The following GRM7 variants were observed in gnomAD, a reference collection of about 807,000 sequenced individuals.
The protein encoded by GRM7 is metabotropic glutamate receptor 7.
Under a neutral mutation model 84.5 loss-of-function variants are expected in GRM7, and 35 were observed. That is an observed-to-expected ratio of 0.41 (90% confidence interval 0.32 to 0.55). The LOEUF is 0.55. GRM7 is among the 20% of genes least tolerant of loss of function. The pLI, the probability that GRM7 is intolerant of heterozygous loss-of-function variation, is 0.19. For synonymous variants in GRM7, 487 were observed against 455.1 expected, an observed-to-expected ratio of 1.07 and a Z score of -0.89; for missense variants, 1,003 against 1,194.6, an observed-to-expected ratio of 0.84 and a Z score of 2.36.
chr3:6,988,634 T>C (rs933556272), intron 1 of GRM7, among the ~76,000 whole-genome samples: 1 of 152,354 alleles, frequency 6.6e-6, no homozygotes, highest in Non-Finnish European at 1.5e-5. Flanking sequence ...AATTGTGTGA[T>C]ATTTCACATC....
chr3:7,208,593 C>G (rs1696317010), intron 2 of GRM7, among the ~76,000 whole-genome samples: 1 of 152,050 alleles, frequency 6.6e-6, no homozygotes, highest in South Asian at 2.1e-4. Context: ...CTATATATAC[C>G]CAGCACCAAG....
chr3:7,300,927 A>T (rs1480841455), intron 3 of GRM7, among the ~76,000 whole-genome samples: 1 of 152,226 alleles, frequency 6.6e-6, no homozygotes, highest in African/African-American at 2.4e-5. Flanking sequence ...GGCTCAGGAC[A>T]TAGTAGCTCA....
intron 8 of GRM7, among the ~76,000 whole-genome samples, chr3:7,671,462 A>T (rs1449095397): frequency 6.6e-6 from 1 of 152,024 alleles, no homozygotes; most frequent in Non-Finnish European, 1.5e-5. Flanking sequence ...CCAGAAACTG[A>T]TTTGCATTCA....
intron 7 of GRM7, among the ~76,000 whole-genome samples, chr3:7,543,064 G>A (rs1055115729): frequency 9.9e-5 from 15 of 152,090 alleles, no homozygotes; most frequent in African/African-American, 2.2e-4. Flanking sequence ...TTGAATGGAC[G>A]AATGAATGAA....
intron 7 of GRM7, among the ~76,000 whole-genome samples, chr3:7,545,355 T>C (rs1012063906): frequency 3.3e-5 from 5 of 152,226 alleles, no homozygotes; most frequent in African/African-American, 9.6e-5. Context: ...AGAATTAAAA[T>C]GTAGGGTTTA....
intron 1 of GRM7, among the ~76,000 whole-genome samples, chr3:6,914,917 C>G (rs187423288): frequency 6.6e-6 from 1 of 152,210 alleles, no homozygotes; most frequent in Admixed American, 6.5e-5. Flanking sequence ...CTTTGCACAA[C>G]ATTATTTGGT....
intron 2 of GRM7, among the ~76,000 whole-genome samples, chr3:7,171,878 A>C (rs1299070596): frequency 6.6e-6 from 1 of 152,236 alleles, no homozygotes; most frequent in Non-Finnish European, 1.5e-5. Context: ...TTCACAGTTT[A>C]AAGCATTCTC....
At chr3:6,982,360 T>G (rs1383993366) in intron 1 of GRM7, among the ~76,000 whole-genome samples, 1 of 152,148 alleles carries the variant, frequency 6.6e-6, no homozygotes, top group Non-Finnish European at 1.5e-5. Flanking sequence ...GCTCAGCAAC[T>G]GGATGACAGG....
chr3:7,560,703 G>A (rs192832948), intron 7 of GRM7, among the ~76,000 whole-genome samples: 1 of 152,206 alleles, frequency 6.6e-6, no homozygotes, highest in East Asian at 1.9e-4. Context: ...CATACATGCC[G>A]TGTTACTTCC....
rs201793371 is a variant in GRM7, at chr3:7,653,389, G to A, written c.2452-26660G>A. 7.9e-5 allele frequency among the ~76,000 whole-genome samples: 12 copies of A among 151,972 alleles called. No individual in the cohort carries two copies. In the East Asian group the frequency reaches 1.4e-3, roughly 17 times the overall value. ...GAATATTGTGTTCAGATGTGGTCCA[G>A]GGTCAGATACTTGTGAAATCCACAA... On this transcript the variant is annotated intron_variant, in intron 8 of 9. Transcript: ENST00000357716.
At chr3:7,386,281 A>G (rs912399010) in intron 4 of GRM7, among the ~76,000 whole-genome samples, 5 of 152,182 alleles carry the variant, frequency 3.3e-5, no homozygotes, top group African/African-American at 1.2e-4. Flanking sequence ...AATGTTTTTA[A>G]AAAATTTTAG....
intron 8 of GRM7, among the ~76,000 whole-genome samples, chr3:7,664,076 C>T (rs756739124): frequency 6.6e-6 from 1 of 152,126 alleles, no homozygotes; most frequent in African/African-American, 2.4e-5. Context: ...ATTAGACACC[C>T]TATAATTACC....
At chr3:7,457,761 A>C (rs551436434) in intron 6 of GRM7, among the ~76,000 whole-genome samples, 1 of 152,272 alleles carries the variant, frequency 6.6e-6, no homozygotes, top group South Asian at 2.1e-4. Flanking sequence ...CATGGCTACC[A>C]TGCTGGGAAG....
intron 8 of GRM7, among the ~76,000 whole-genome samples, chr3:7,622,044 A>G (rs1275117855): frequency 6.6e-6 from 1 of 152,154 alleles, no homozygotes; most frequent in East Asian, 1.9e-4. Context: ...AGTCCTGGGA[A>G]AAAAGTTGTC....
intron 7 of GRM7, among the ~76,000 whole-genome samples, chr3:7,469,638 G>A (rs779711): frequency 6.6e-6 from 1 of 151,780 alleles, no homozygotes; most frequent in Admixed American, 6.5e-5. Flanking sequence ...ACTTAGGATT[G>A]GGTCTCTAAT....
intron 1 of GRM7, among the ~76,000 whole-genome samples, chr3:7,103,770 CTTT>C (rs1211328421): frequency 2.6e-4 from 24 of 94,056 alleles, no homozygotes; most frequent in African/African-American, 1.3e-3. Flanking sequence ...TTCTTTCTTT[CTTT>C]CTTTCTTTCT....
intron 9 of GRM7, among the ~76,000 whole-genome samples, chr3:7,737,326 T>C (rs1702537779): frequency 1.3e-5 from 2 of 152,204 alleles, no homozygotes; most frequent in African/African-American, 4.8e-5. Flanking sequence ...TGAGAACTAC[T>C]TATGTAGATA....
chr3:7,092,537 G>C (rs750130416), intron 1 of GRM7, among the ~76,000 whole-genome samples: 1 of 151,454 alleles, frequency 6.6e-6, no homozygotes, highest in Non-Finnish European at 1.5e-5. Flanking sequence ...TGAGTATTCA[G>C]AGTTAGGTCT....
chr3:7,505,417 C>G (rs752074937), intron 7 of GRM7, among the ~76,000 whole-genome samples: 3 of 152,216 alleles, frequency 2.0e-5, no homozygotes, highest in Non-Finnish European at 2.9e-5. Flanking sequence ...CTCTTAGCAG[C>G]AGCTTTGACT....
Sources: gnomAD v4.1 joint callset for allele counts (sites outside exome capture counted in the v4.1 genomes callset) on GRCh38, gnomAD v4.1.1 for gene constraint, MANE v1.5 for transcripts, NCBI Gene and HGNC (gene_info 2026-07-23, HGNC 2026-07-21) for gene names.